The following GLI3 variants were observed in gnomAD, a reference collection of about 807,000 sequenced individuals.
GLI3 encodes GLI family zinc finger 3.
Under a neutral mutation model 100.8 loss-of-function variants are expected in GLI3, and 20 were observed. The observed-to-expected ratio is 0.20, with a 90% CI of 0.14 to 0.29. GLI3 has a LOEUF of 0.29. GLI3 is among the 10% of genes least tolerant of loss of function. GLI3 has a pLI of 1.00. For synonymous variants in GLI3, 938 were observed against 860.5 expected (o/e 1.09, Z -1.58); for missense variants, 2,040 against 2,128.5 (o/e 0.96, Z 0.82).
intron 2 of GLI3, among the ~76,000 whole-genome samples, chr7:42,192,464 CA>C (rs1178687176): frequency 1.3e-5 from 2 of 151,614 alleles, no homozygotes; most frequent in Non-Finnish European, 2.9e-5. Flanking sequence ...TAGATAAAGA[CA>C]AAAGAAAAGA....
At chr7:42,111,814 C>T (rs1362468773) in intron 3 of GLI3, among the ~76,000 whole-genome samples, 1 of 152,158 alleles carries the variant, frequency 6.6e-6, no homozygotes, top group Non-Finnish European at 1.5e-5. Flanking sequence ...TAGGTTTGCA[C>T]AGTCTGTAAC....
chr7:42,130,889 T>C (rs576437270), intron 3 of GLI3, among the ~76,000 whole-genome samples: 1 of 152,184 alleles, frequency 6.6e-6, no homozygotes, highest in African/African-American at 2.4e-5. Flanking sequence ...AGGAAAAAAA[T>C]AAGCCATCTA....
chr7:42,161,175 C>T (rs1302268503), intron 2 of GLI3, among the ~76,000 whole-genome samples: 3 of 152,272 alleles, frequency 2.0e-5, no homozygotes, highest in East Asian at 3.9e-4. Flanking sequence ...TTTTGTACAG[C>T]CTGTGAGCTC....
intron 3 of GLI3, among the ~76,000 whole-genome samples, chr7:42,079,024 C>T (rs542396969): frequency 2.6e-5 from 4 of 152,202 alleles, no homozygotes; most frequent in East Asian, 1.9e-4. Context: ...CCACCGCGCC[C>T]GGCCTCATTT....
intron 2 of GLI3, among the ~76,000 whole-genome samples, chr7:42,172,969 G>A (rs1016388813): frequency 1.3e-5 from 2 of 152,170 alleles, no homozygotes; most frequent in Non-Finnish European, 2.9e-5. Flanking sequence ...AAAGGACCAC[G>A]GACAAGTGAA....
chr7:42,186,067 C>T (rs1357852147), intron 2 of GLI3, among the ~76,000 whole-genome samples: 1 of 152,186 alleles, frequency 6.6e-6, no homozygotes, highest in South Asian at 2.1e-4. Context: ...AGCCTTAAAA[C>T]GTGGCTCAGC....
intron 10 of GLI3, among the ~76,000 whole-genome samples, chr7:41,994,910 A>G (rs886561318): frequency 1.3e-5 from 2 of 152,236 alleles, no homozygotes; most frequent in Admixed American, 1.3e-4. Flanking sequence ...TGATCTCCAC[A>G]TTGCATGTGA....
chr7:42,149,735 C>T (rs930082837), intron 2 of GLI3, among the ~76,000 whole-genome samples: 9 of 152,136 alleles, frequency 5.9e-5, no homozygotes, highest in Non-Finnish European at 1.2e-4. Flanking sequence ...ATCTTGAGCA[C>T]ATCTTATTCT....
At chr7:42,195,725 T>C (rs1192370320) in intron 2 of GLI3, among the ~76,000 whole-genome samples, 3 of 152,054 alleles carry the variant, frequency 2.0e-5, no homozygotes, top group Non-Finnish European at 4.4e-5. Flanking sequence ...AAATTATTTG[T>C]TTAATTCACT....
At chr7:42,058,235 A>G (rs1240395123) in intron 4 of GLI3, among the ~76,000 whole-genome samples, 1 of 152,168 alleles carries the variant, frequency 6.6e-6, no homozygotes, top group Admixed American at 6.5e-5. Context: ...AGTCAGGATA[A>G]TGTTGACTTT....
At chr7:42,021,943 C>T (rs1788955313) in intron 10 of GLI3, among the ~76,000 whole-genome samples, 1 of 152,104 alleles carries the variant, frequency 6.6e-6, no homozygotes, top group Admixed American at 6.5e-5. Context: ...TTTGATATTC[C>T]AATGTTTTTG....
intron 1 of GLI3, among the ~76,000 whole-genome samples, chr7:42,250,298 A>G (rs1352293390): frequency 1.3e-5 from 2 of 152,202 alleles, no homozygotes; most frequent in African/African-American, 4.8e-5. Context: ...CATACCAACA[A>G]ACCACAAACA....
chr7:42,234,005 G>C (rs1461620855), intron 1 of GLI3, among the ~76,000 whole-genome samples: 2 of 152,284 alleles, frequency 1.3e-5, no homozygotes, highest in Non-Finnish European at 2.9e-5. Flanking sequence ...GAATATGAAT[G>C]CCAGCAAAAC....
intron 11 of GLI3, chr7:41,978,071 C>T (rs1787557303): frequency 2.5e-6 from 1 of 395,432 alleles, no homozygotes; most frequent in African/African-American, 2.0e-5. Flanking sequence ...CATACAAAGA[C>T]ATGGAATTTG....
intron 1 of GLI3, among the ~76,000 whole-genome samples, chr7:42,244,112 G>A (rs1788950171): frequency 6.6e-6 from 1 of 152,162 alleles, no homozygotes; most frequent in African/African-American, 2.4e-5. Context: ...GGGATTACAG[G>A]CGAAAGCCAC....
intron 2 of GLI3, among the ~76,000 whole-genome samples, chr7:42,190,893 T>A (rs1324593589): frequency 6.6e-6 from 1 of 151,894 alleles, no homozygotes; most frequent in Non-Finnish European, 1.5e-5. Flanking sequence ...AGATCATCAA[T>A]AGGTCAAAGG....
chr7:42,106,149 G>A (rs180784952), intron 3 of GLI3, among the ~76,000 whole-genome samples: 2 of 152,292 alleles, frequency 1.3e-5, no homozygotes, highest in Non-Finnish European at 2.9e-5. Flanking sequence ...AGCATGTTCC[G>A]TAATTGGGCA....
At chr7:42,088,634 C>T (rs1255731166) in intron 3 of GLI3, among the ~76,000 whole-genome samples, 1 of 152,238 alleles carries the variant, frequency 6.6e-6, no homozygotes, top group Non-Finnish European at 1.5e-5. Context: ...GCCCACTCTT[C>T]CCCTCCATGA....
Position 41,966,148 on chromosome 7 carries a change from G to T in GLI3, c.2925C>A (p.Ala975=). Residue 975 remains alanine (A), a synonymous_variant, in exon 15 of 15, where the codon GCC becomes GCA. Coordinates refer to ENST00000395925, the MANE Select transcript of GLI3 (RefSeq NM_000168.6). This position sits in a 1 kb window ranked among gnomAD's most constrained non-coding sequence, Gnocchi z 5.8. ...EPGVALPPVH[A]PRRCSDGGAH... ...CTCCCCCGTCGCTGCACCTCCTCGG[G>T]GCATGAACTGGAGGCAGGGCCACGC... 1 of 1,596,768 alleles carries T rather than the reference G, an allele frequency of 6.3e-7. No individual in the cohort carries two copies. Among genetic ancestry groups the T allele is most frequent in the Non-Finnish European group, 8.5e-7 (1 of 1,175,418 alleles).
Sources: gnomAD v4.1 joint callset for allele counts (sites outside exome capture counted in the v4.1 genomes callset) on GRCh38, gnomAD v4.1.1 for gene constraint, Gnocchi (gnomAD v3.1) non-coding constraint, MANE v1.5 for transcripts, NCBI Gene and HGNC (gene_info 2026-07-23, HGNC 2026-07-21) for gene names.